Variants in GPC5 observed in about 807,000 individuals in gnomAD.
GPC5 encodes glypican-5.
Under a neutral mutation model 53.9 loss-of-function variants are expected in GPC5, and 47 were observed. The ratio of observed to expected loss-of-function variants is 0.87; its 90% CI spans 0.69 to 1.11. GPC5 has a LOEUF of 1.11. Ranked by LOEUF, GPC5 falls within the 50% of genes most tolerant of loss-of-function variation. GPC5 has a pLI of 0.00. For missense variants in GPC5, 748 were observed against 713.1 expected, an observed-to-expected ratio of 1.05 and a Z score of -0.56; for synonymous variants, 286 against 263.3, an observed-to-expected ratio of 1.09 and a Z score of -0.84.
At chr13:91,956,661 T>C (rs1442268872) in intron 6 of GPC5, among the ~76,000 whole-genome samples, 1 of 152,168 alleles carries the variant, frequency 6.6e-6, no homozygotes, top group Non-Finnish European at 1.5e-5. Context: ...TTACCACAGC[T>C]TCCTCTAATG....
chr13:92,057,404 C>T (rs1050408586), intron 6 of GPC5, among the ~76,000 whole-genome samples: 5 of 152,192 alleles, frequency 3.3e-5, no homozygotes, highest in Admixed American at 6.5e-5. Context: ...GCCCAAATTC[C>T]TAACCTGCAG....
intron 7 of GPC5, among the ~76,000 whole-genome samples, chr13:92,176,450 A>G (rs1352380509): frequency 1.3e-5 from 2 of 152,188 alleles, no homozygotes; most frequent in African/African-American, 4.8e-5. Flanking sequence ...CTGGGTACAC[A>G]GCACACTAAG....
chr13:92,049,596 A>G (rs2041010693), intron 6 of GPC5, among the ~76,000 whole-genome samples: 1 of 152,076 alleles, frequency 6.6e-6, no homozygotes, highest in Non-Finnish European at 1.5e-5. Context: ...TTGTTCCTTT[A>G]CAATAGGCAG....
chr13:91,557,057 C>A (rs2030998883), intron 2 of GPC5, among the ~76,000 whole-genome samples: 1 of 152,018 alleles, frequency 6.6e-6, no homozygotes. Flanking sequence ...TTAACCTAGG[C>A]TAAATACCCA....
At chr13:92,798,731 T>A (rs1449723029) in intron 7 of GPC5, among the ~76,000 whole-genome samples, 1 of 151,872 alleles carries the variant, frequency 6.6e-6, no homozygotes, top group Non-Finnish European at 1.5e-5. Flanking sequence ...GCTGTTGCAA[T>A]TTTTCCTTTC....
chr13:91,816,464 C>A (rs1728128748), intron 5 of GPC5, among the ~76,000 whole-genome samples: 1 of 151,894 alleles, frequency 6.6e-6, no homozygotes, highest in African/African-American at 2.4e-5. Flanking sequence ...ATTGCTGGTT[C>A]CTATTTTTAT....
intron 7 of GPC5, among the ~76,000 whole-genome samples, chr13:92,306,172 T>C (rs367976132): frequency 6.6e-6 from 1 of 152,168 alleles, no homozygotes; most frequent in Non-Finnish European, 1.5e-5. Flanking sequence ...AATAGACCAA[T>C]GTTTTTGTGT....
chr13:91,477,023 A>G (rs960307714), intron 2 of GPC5, among the ~76,000 whole-genome samples: 25 of 152,188 alleles, frequency 1.6e-4, no homozygotes, highest in African/African-American at 5.8e-4. Context: ...AAATTTTGCA[A>G]CATCACTCCA....
intron 7 of GPC5, among the ~76,000 whole-genome samples, chr13:92,258,688 T>G (rs943506465): frequency 6.6e-6 from 1 of 152,166 alleles, no homozygotes; most frequent in African/African-American, 2.4e-5. Flanking sequence ...CAAACAGTCT[T>G]CATCCTAAAT....
chr13:92,054,339 G>T (rs1421832486), intron 6 of GPC5, among the ~76,000 whole-genome samples: 2 of 152,040 alleles, frequency 1.3e-5, no homozygotes, highest in African/African-American at 4.8e-5. Flanking sequence ...GGCAGCTTTT[G>T]TCTCTGAAAC....
intron 7 of GPC5, among the ~76,000 whole-genome samples, chr13:92,811,510 T>C (rs1210581605): frequency 2.6e-5 from 4 of 152,004 alleles, no homozygotes; most frequent in Non-Finnish European, 5.9e-5. Context: ...TTATACATTC[T>C]AGATATTAAA....
chr13:91,477,561 T>C (rs1883002178), intron 2 of GPC5, among the ~76,000 whole-genome samples: 1 of 152,202 alleles, frequency 6.6e-6, no homozygotes, highest in Non-Finnish European at 1.5e-5. Flanking sequence ...ATAGGTTTAG[T>C]TGGACATACA....
chr13:92,670,231 T>C (rs528000313), intron 7 of GPC5, among the ~76,000 whole-genome samples: 2 of 152,152 alleles, frequency 1.3e-5, no homozygotes, highest in East Asian at 3.9e-4. Context: ...GGAGCTAAAT[T>C]GGGAGCCAGA....
At chr13:91,684,495 T>G (rs1388031442) in intron 2 of GPC5, among the ~76,000 whole-genome samples, 2 of 152,212 alleles carry the variant, frequency 1.3e-5, no homozygotes, top group African/African-American at 4.8e-5. Context: ...AGATTTATCC[T>G]TCATTTATCC....
chr13:92,454,715 C>A (rs115794143), intron 7 of GPC5, among the ~76,000 whole-genome samples: 1,610 of 152,126 alleles, frequency 0.011, 27 homozygotes, highest in African/African-American at 0.036. Flanking sequence ...AAAGATGGAG[C>A]CTTTGTCCTC....
At chr13:92,653,964 C>A (rs1331765407) in intron 7 of GPC5, among the ~76,000 whole-genome samples, 1 of 152,178 alleles carries the variant, frequency 6.6e-6, no homozygotes, top group African/African-American at 2.4e-5. Flanking sequence ...ATGACTAGGG[C>A]AATGCAAGTT....
intron 2 of GPC5, among the ~76,000 whole-genome samples, chr13:91,625,637 C>T (rs1265719673): frequency 6.6e-6 from 1 of 151,986 alleles, no homozygotes; most frequent in African/African-American, 2.4e-5. Flanking sequence ...GTCCTTGAAA[C>T]AAGCAAGTGC....
chr13:92,680,185 T>C (rs1320301243), intron 7 of GPC5, among the ~76,000 whole-genome samples: 1 of 152,146 alleles, frequency 6.6e-6, no homozygotes, highest in African/African-American at 2.4e-5. Flanking sequence ...GAGAAATAAT[T>C]TCTGTTCATT....
chr13:92,682,663 C>T (rs1887145421), intron 7 of GPC5, among the ~76,000 whole-genome samples: 1 of 152,100 alleles, frequency 6.6e-6, no homozygotes, highest in South Asian at 2.1e-4. Flanking sequence ...AATACAATTA[C>T]TGAATTAGTA....
Sources: gnomAD v4.1 joint callset for allele counts (sites outside exome capture counted in the v4.1 genomes callset) on GRCh38, gnomAD v4.1.1 for gene constraint, MANE v1.5 for transcripts, NCBI Gene and HGNC (gene_info 2026-07-23, HGNC 2026-07-21) for gene names.